Variants in NR3C2 observed in about 807,000 individuals in gnomAD.
The protein encoded by NR3C2 is mineralocorticoid receptor.
A neutral mutation model predicts 86.4 loss-of-function variants in NR3C2; 15 were observed. The observed-to-expected ratio is 0.17, with a 90% CI of 0.12 to 0.27. NR3C2 has a LOEUF of 0.27. Ranked by LOEUF, NR3C2 falls within the 10% of genes least tolerant of loss-of-function variation. The pLI is 1.00. For synonymous variants in NR3C2, 458 were observed against 450.5 expected, an observed-to-expected ratio of 1.02 and a Z score of -0.21; for missense variants, 960 against 1,195.6, an observed-to-expected ratio of 0.80 and a Z score of 2.91.
At chr4:148,420,452 C>T (rs995567) in intron 2 of NR3C2, among the ~76,000 whole-genome samples, 113,944 of 152,096 alleles carry the variant, frequency 0.75, 44,125 homozygotes, top group East Asian at 0.84. Context: ...ATTTTATTAA[C>T]GAAATTAGTA....
chr4:148,136,396 G>A (rs565792394), intron 6 of NR3C2, among the ~76,000 whole-genome samples: 1 of 151,906 alleles, frequency 6.6e-6, no homozygotes, highest in African/African-American at 2.4e-5. Context: ...CAAAAGGAGA[G>A]GGGGAGAGAC....
At chr4:148,356,595 G>A (rs2149998463) in intron 2 of NR3C2, among the ~76,000 whole-genome samples, 1 of 152,238 alleles carries the variant, frequency 6.6e-6, no homozygotes, top group African/African-American at 2.4e-5. Flanking sequence ...GAACACTTAG[G>A]AACCATATAA....
chr4:148,243,801 A>G (rs1020660541), intron 3 of NR3C2, among the ~76,000 whole-genome samples: 14 of 152,216 alleles, frequency 9.2e-5, no homozygotes, highest in African/African-American at 3.1e-4. Flanking sequence ...TTTGGCACCC[A>G]TGAAAAGCAA....
At chr4:148,444,066 C>T, upstream of NR3C2, 3 of 985,370 alleles carry the variant, frequency 3.0e-6, no homozygotes, top group Middle Eastern at 5.2e-4. Context: ...CACCGTCACG[C>T]GCACTCTCCC....
chr4:148,095,765 G>A (rs749071142), intron 8 of NR3C2, among the ~76,000 whole-genome samples: 1 of 152,212 alleles, frequency 6.6e-6, no homozygotes, highest in East Asian at 1.9e-4. Context: ...GGTCTGTCCA[G>A]TGCCTGCCCA....
intron 2 of NR3C2, among the ~76,000 whole-genome samples, chr4:148,330,196 A>AAT (rs1744162673): frequency 1.3e-5 from 2 of 152,192 alleles, no homozygotes; most frequent in African/African-American, 4.8e-5. Flanking sequence ...AGACTCAGCA[A>AAT]ATAGTAACTA....
intron 3 of NR3C2, among the ~76,000 whole-genome samples, chr4:148,240,545 T>G (rs1055985801): frequency 1.3e-5 from 2 of 152,038 alleles, no homozygotes; most frequent in Non-Finnish European, 2.9e-5. Context: ...AGATGCTAGT[T>G]TCAACAGGCT....
At chr4:148,162,805 G>T (rs1200169491) in intron 4 of NR3C2, among the ~76,000 whole-genome samples, 1 of 152,140 alleles carries the variant, frequency 6.6e-6, no homozygotes, top group African/African-American at 2.4e-5. Flanking sequence ...GATTGATTAC[G>T]CCTGACAACT....
intron 2 of NR3C2, among the ~76,000 whole-genome samples, chr4:148,305,444 T>C (rs1166170090): frequency 6.6e-6 from 1 of 151,954 alleles, no homozygotes; most frequent in African/African-American, 2.4e-5. Context: ...TGATCCCACT[T>C]TCCAGGTCTG....
chr4:148,214,721 G>A (rs1381567919), intron 3 of NR3C2, among the ~76,000 whole-genome samples: 1 of 152,204 alleles, frequency 6.6e-6, no homozygotes, highest in African/African-American at 2.4e-5. Flanking sequence ...TGCTACAGCT[G>A]CTGCTCAGGG....
chr4:148,435,656 G>C lies in NR3C2; in HGVS notation c.1205C>G (p.Pro402Arg), dbSNP rs143847779. 6.2e-7 allele frequency: 1 copy of C among 1,614,182 alleles called. No individual in the cohort carries two copies. Among genetic ancestry groups the C allele is most frequent in the South Asian group, 1.1e-5 (1 of 91,086 alleles). Residue 402 changes from proline (P) to arginine (R), a missense_variant, in exon 2 of 9, where the codon CCA becomes CGA. Around this residue, in one of 4 missense-constraint regions of NR3C2, gnomAD observed 680 missense variants for 719.0 expected, o/e 0.95. Transcript: ENST00000358102. ...ACATGAGCTGCTAAAAGCTCCATCT[G>C]GTTCTGGTTTTATGTACTGGACAAT... Reference protein sequence around the residue: ...LNIVQYIKPEPDGAFSSSCLG... With the variant: ...LNIVQYIKPERDGAFSSSCLG...
chr4:148,361,935 T>C (rs1321255706), intron 2 of NR3C2, among the ~76,000 whole-genome samples: 3 of 152,174 alleles, frequency 2.0e-5, no homozygotes, highest in Non-Finnish European at 4.4e-5. Flanking sequence ...CCTCCCAGGT[T>C]CAAGCAATTC....
chr4:148,399,253 T>C (rs1197300983), intron 2 of NR3C2, among the ~76,000 whole-genome samples: 1 of 152,176 alleles, frequency 6.6e-6, no homozygotes, highest in Non-Finnish European at 1.5e-5. Context: ...GTAAACATTC[T>C]CTACACTTGC....
chr4:148,378,470 T>G (rs1746790536), intron 2 of NR3C2, among the ~76,000 whole-genome samples: 1 of 152,114 alleles, frequency 6.6e-6, no homozygotes, highest in Non-Finnish European at 1.5e-5. Flanking sequence ...TCTCCAGTGT[T>G]GGAGGTGGGG....
At chr4:148,444,246 A>C, upstream of NR3C2, 1 of 985,306 alleles carries the variant, frequency 1.0e-6, no homozygotes, top group Non-Finnish European at 1.2e-6. Flanking sequence ...CTAAGTTTTT[A>C]TCTCCTTTGA....
At chr4:148,158,205 G>C (rs1734491873) in intron 4 of NR3C2, among the ~76,000 whole-genome samples, 1 of 152,198 alleles carries the variant, frequency 6.6e-6, no homozygotes, top group Admixed American at 6.5e-5. Context: ...ATGAATGGAT[G>C]AGTGAACAAA....
chr4:148,376,144 G>T (rs1391758621), intron 2 of NR3C2, among the ~76,000 whole-genome samples: 2 of 71,700 alleles, frequency 2.8e-5, no homozygotes, highest in South Asian at 4.0e-4. Flanking sequence ...CAGGAGTAAG[G>T]CAAAAAAAAA....
intron 2 of NR3C2, among the ~76,000 whole-genome samples, chr4:148,367,298 A>T (rs1246004414): frequency 6.6e-6 from 1 of 152,228 alleles, no homozygotes; most frequent in East Asian, 1.9e-4. Flanking sequence ...TAGCAACCCA[A>T]ATATTATACA....
At chr4:148,186,121 T>C (rs1189096840) in intron 4 of NR3C2, among the ~76,000 whole-genome samples, 1 of 152,220 alleles carries the variant, frequency 6.6e-6, no homozygotes, top group African/African-American at 2.4e-5. Flanking sequence ...TTTATTTCCA[T>C]ACTCTCATCA....
Sources: gnomAD v4.1 joint callset for allele counts (sites outside exome capture counted in the v4.1 genomes callset) on GRCh38, gnomAD v4.1.1 for gene constraint, gnomAD v4.1.1 regional missense constraint, MANE v1.5 for transcripts, NCBI Gene and HGNC (gene_info 2026-07-23, HGNC 2026-07-21) for gene names.